Variants in MYO3A observed in about 807,000 individuals in gnomAD.
MYO3A encodes myosin-IIIa.
Under a neutral mutation model 192.7 loss-of-function variants are expected in MYO3A, and 180 were observed. That is an observed-to-expected ratio of 0.93 (90% CI 0.83 to 1.06). The LOEUF (loss-of-function observed/expected upper bound fraction) is 1.06. MYO3A is among the 50% of genes least tolerant of loss of function. The pLI is 0.00. For synonymous variants in MYO3A, 628 were observed against 645.3 expected (o/e 0.97, Z 0.41); for missense variants, 1,896 against 1,905.0 (o/e 1.00, Z 0.09).
intron 29 of MYO3A, among the ~76,000 whole-genome samples, chr10:26,172,954 G>A (rs1383844938): frequency 6.6e-6 from 1 of 152,012 alleles, no homozygotes; most frequent in East Asian, 1.9e-4. Flanking sequence ...AAGTAGCAAC[G>A]AGAGGTGTTA....
At chr10:26,138,217 C>G (rs983259960) in intron 20 of MYO3A, among the ~76,000 whole-genome samples, 34 of 152,138 alleles carry the variant, frequency 2.2e-4, no homozygotes, top group Middle Eastern at 3.2e-3. Flanking sequence ...TGTGAGGTCA[C>G]CCCCAGTGGC....
At position 25,952,103 on chromosome 10, in the gene MYO3A, C is replaced by A. The variant is rs1200695077; in HGVS notation, c.-8C>A. 1 of 1,606,476 alleles carries A rather than the reference C, an allele frequency of 6.2e-7. No individual in the cohort carries two copies. Among genetic ancestry groups the A allele is most frequent in the Non-Finnish European group, 8.5e-7 (1 of 1,174,434 alleles). ...TACTTCTTATCTCCAGGTTTTTAAA[C>A]CTTTGAGATGTTTCCATTAATTGGA... On this transcript the variant is annotated 5_prime_UTR_variant, in exon 3 of 35. Transcript: ENST00000642920.
chr10:26,043,467 A>G (rs1374542781), intron 10 of MYO3A, among the ~76,000 whole-genome samples: 1 of 152,162 alleles, frequency 6.6e-6, no homozygotes, highest in East Asian at 1.9e-4. Context: ...ACTGGAGTCA[A>G]GAACCTTGGA....
At chr10:25,988,939 CTTTTTTTTTT>C (rs56308717) in intron 4 of MYO3A, among the ~76,000 whole-genome samples, 39 of 116,996 alleles carry the variant, frequency 3.3e-4, no homozygotes, top group African/African-American at 9.3e-4. Flanking sequence ...CCCTAAAACT[CTTTTTTTTTT>C]TTTTTTTTTT....
intron 17 of MYO3A, 36 bp from the exon 18 acceptor site, chr10:26,120,640 A>C: frequency 6.2e-7 from 1 of 1,613,372 alleles, no homozygotes; most frequent in Non-Finnish European, 8.5e-7. Context: ...GTACTCAAGG[A>C]AAGAATGATG....
chr10:26,026,005 G>C (rs1384794856), intron 9 of MYO3A, among the ~76,000 whole-genome samples: 2 of 152,212 alleles, frequency 1.3e-5, no homozygotes, highest in Non-Finnish European at 2.9e-5. Flanking sequence ...ATAAGCATTA[G>C]AACTATAATG....
intron 9 of MYO3A, 27 bp downstream of exon 9, chr10:26,024,114 C>A (rs764144248): frequency 7.8e-5 from 122 of 1,574,188 alleles, no homozygotes; most frequent in Non-Finnish European, 1.0e-4. Context: ...TTTTAAAAAA[C>A]CAAAGATATT....
Position 25,952,075 on chromosome 10 carries a change from CTG to C in MYO3A, c.-17-17_-17-16del, listed in dbSNP as rs764216032. 3 of 1,566,240 alleles carry C rather than the reference CTG, an allele frequency of 1.9e-6. No homozygotes were observed. The highest frequency in any genetic ancestry group is 1.4e-5 in the African/African-American group (1 of 73,664). On this transcript the variant is annotated splice_polypyrimidine_tract_variant and intron_variant, in intron 2 of 34. Transcript: ENST00000642920. The stretch of plus-strand genomic sequence containing the variant: ...TATCCTCAATCAACTGTAGATGAAA[CTG>C]TACTTCTTATCTCCAGGTTTTTAAA...
intron 19 of MYO3A, among the ~76,000 whole-genome samples, chr10:26,127,283 G>A (rs10508712): frequency 0.14 from 21,564 of 151,866 alleles, 1,743 homozygotes; most frequent in East Asian, 0.31. Context: ...TATTTGTAAG[G>A]TCCCTCCTGC....
At chr10:26,165,336 A>C (rs143520123) in intron 26 of MYO3A, among the ~76,000 whole-genome samples, 1,860 of 152,298 alleles carry the variant, frequency 0.012, 49 homozygotes, top group African/African-American at 0.043. Context: ...ATCTTGCACC[A>C]ATAAATTAAA....
At chr10:26,165,955 C>T (rs1841720951) in intron 26 of MYO3A, 112 bp from the exon 27 acceptor site, 1 of 896,020 alleles carries the variant, frequency 1.1e-6, no homozygotes, top group Admixed American at 1.7e-5. Context: ...TTCTCCGCAT[C>T]AAGTCTGGGC....
At chr10:26,191,507 T>A (rs922014858) in intron 31 of MYO3A, among the ~76,000 whole-genome samples, 2 of 152,208 alleles carry the variant, frequency 1.3e-5, no homozygotes, top group African/African-American at 4.8e-5. Flanking sequence ...TTGACAAAGA[T>A]CTCTTTTTGT....
intron 34 of MYO3A, chr10:26,204,538 A>T (rs1380243026): frequency 6.6e-6 from 1 of 152,234 alleles, no homozygotes; most frequent in Non-Finnish European, 1.5e-5. Context: ...GCACTATGCC[A>T]TTGTCTCATT....
chr10:25,992,070 T>A (rs1840068680), intron 4 of MYO3A, among the ~76,000 whole-genome samples: 1 of 152,168 alleles, frequency 6.6e-6, no homozygotes, highest in African/African-American at 2.4e-5. Context: ...GGTAGCTTGA[T>A]GGGGATGGCA....
intron 34 of MYO3A, among the ~76,000 whole-genome samples, chr10:26,210,525 G>A (rs776079623): frequency 3.9e-5 from 6 of 152,156 alleles, no homozygotes; most frequent in Non-Finnish European, 5.9e-5. Context: ...CCTAGTGTAA[G>A]CCACTATCGG....
chr10:26,057,933 A>C (rs938554338), intron 10 of MYO3A, among the ~76,000 whole-genome samples: 5 of 146,564 alleles, frequency 3.4e-5, no homozygotes, highest in African/African-American at 1.2e-4. Context: ...CACTGTCAAC[A>C]TCCCACACCA....
intron 4 of MYO3A, among the ~76,000 whole-genome samples, chr10:25,971,370 G>GA (rs1838632141): frequency 6.6e-6 from 1 of 152,090 alleles, no homozygotes; most frequent in African/African-American, 2.4e-5. Flanking sequence ...TAAGTTAAGA[G>GA]AAAAAGGAAG....
chr10:26,078,130 C>CTTTTTTTTTTTTTTTTT (rs57336459), intron 14 of MYO3A, among the ~76,000 whole-genome samples: 15 of 122,300 alleles, frequency 1.2e-4, no homozygotes, highest in Non-Finnish European at 1.8e-4. Flanking sequence ...TGGTCCTGGA[C>CTTTTTTTTTTTTTTTTT]TTTTTTTTTT....
At chr10:25,951,662 T>C (rs1837216195) in intron 2 of MYO3A, among the ~76,000 whole-genome samples, 1 of 152,176 alleles carries the variant, frequency 6.6e-6, no homozygotes, top group Non-Finnish European at 1.5e-5. Context: ...TATTGAGTTT[T>C]GCATAGAGAA....
Sources: gnomAD v4.1 joint callset for allele counts (sites outside exome capture counted in the v4.1 genomes callset) on GRCh38, gnomAD v4.1.1 for gene constraint, MANE v1.5 for transcripts, NCBI Gene and HGNC (gene_info 2026-07-23, HGNC 2026-07-21) for gene names.